DLG2: variants seen among roughly 807,000 people sequenced by gnomAD.
The protein encoded by DLG2 is disks large homolog 2.
DLG2 carries 45 observed loss-of-function variants against 132.5 expected under a neutral mutation model. The observed-to-expected ratio is 0.34, with a 90% confidence interval of 0.27 to 0.44. The LOEUF is 0.44. Ranked by LOEUF, DLG2 falls within the 20% of genes least tolerant of loss-of-function variation. DLG2 has a pLI of 1.00. For missense variants in DLG2, 1,045 were observed against 1,196.9 expected (o/e 0.87, Z 1.87); for synonymous variants, 424 against 419.6 (o/e 1.01, Z -0.13).
chr11:84,011,734 T>C (rs568255324), intron 11 of DLG2, among the ~76,000 whole-genome samples: 32 of 152,006 alleles, frequency 2.1e-4, no homozygotes, highest in Non-Finnish European at 3.7e-4. Flanking sequence ...AATGAAACAA[T>C]GAATGTGGCC....
chr11:84,403,999 C>T (rs1010660697), intron 7 of DLG2, among the ~76,000 whole-genome samples: 4 of 152,098 alleles, frequency 2.6e-5, no homozygotes, highest in Non-Finnish European at 5.9e-5. Flanking sequence ...TTATATCACT[C>T]TTATCCTTTC....
At chr11:84,545,370 C>A in intron 6 of DLG2, 3 of 521,376 alleles carry the variant, frequency 5.8e-6, no homozygotes, top group East Asian at 5.1e-5. Context: ...TATAGCCATC[C>A]CACTGCCACC....
At chr11:83,494,352 C>T (rs920441514) in intron 21 of DLG2, among the ~76,000 whole-genome samples, 1 of 149,696 alleles carries the variant, frequency 6.7e-6, no homozygotes, top group Non-Finnish European at 1.5e-5. Flanking sequence ...TTCTTGTAAA[C>T]CCGCAAATTT....
At chr11:85,296,300 A>G (rs112011459) in intron 3 of DLG2, among the ~76,000 whole-genome samples, 1 of 152,106 alleles carries the variant, frequency 6.6e-6, no homozygotes, top group Admixed American at 6.6e-5. Context: ...AAAGAATAGC[A>G]TTCAGTCTAC....
At chr11:85,007,174 C>T (rs939735717) in intron 6 of DLG2, among the ~76,000 whole-genome samples, 1 of 142,776 alleles carries the variant, frequency 7.0e-6, no homozygotes, top group Non-Finnish European at 1.5e-5. Context: ...GCTATTTATA[C>T]TTGAGTGACT....
chr11:83,613,259 G>T (rs1036238092), intron 19 of DLG2, among the ~76,000 whole-genome samples: 1 of 152,160 alleles, frequency 6.6e-6, no homozygotes, highest in Non-Finnish European at 1.5e-5. Flanking sequence ...TGAGGATTGG[G>T]TAAACCTAGT....
chr11:84,489,862 G>T (rs376041491), intron 7 of DLG2, among the ~76,000 whole-genome samples: 1 of 151,614 alleles, frequency 6.6e-6, no homozygotes, highest in Non-Finnish European at 1.5e-5. Flanking sequence ...ATTTTTGCCG[G>T]AGGACTATAA....
chr11:84,636,895 C>G (rs1244043006), intron 6 of DLG2, among the ~76,000 whole-genome samples: 1 of 151,820 alleles, frequency 6.6e-6, no homozygotes, highest in African/African-American at 2.4e-5. Context: ...AATTCTCCTG[C>G]TTCAACCTCC....
intron 14 of DLG2, among the ~76,000 whole-genome samples, chr11:83,934,017 G>C (rs998196379): frequency 6.6e-6 from 1 of 152,220 alleles, no homozygotes; most frequent in Non-Finnish European, 1.5e-5. Context: ...TTGCTAAAAT[G>C]TCTAGAGGTT....
chr11:83,522,277 G>T (rs895963812), intron 21 of DLG2, among the ~76,000 whole-genome samples: 3 of 152,030 alleles, frequency 2.0e-5, no homozygotes, highest in African/African-American at 7.2e-5. Flanking sequence ...TTCATGTTTT[G>T]CTAAACTTTT....
chr11:84,021,642 T>C (rs2095397064), intron 11 of DLG2, among the ~76,000 whole-genome samples: 1 of 152,226 alleles, frequency 6.6e-6, no homozygotes, highest in Non-Finnish European at 1.5e-5. Flanking sequence ...GCCGTCTAGA[T>C]ACATTGGATG....
chr11:83,660,894 G>A (rs907005742), intron 18 of DLG2, among the ~76,000 whole-genome samples: 20 of 151,856 alleles, frequency 1.3e-4, no homozygotes, highest in Admixed American at 6.6e-5. Context: ...TTCTTCTTCT[G>A]ACTCCCCCCA....
At chr11:84,211,509 T>C (rs1350203577) in intron 8 of DLG2, among the ~76,000 whole-genome samples, 2 of 152,188 alleles carry the variant, frequency 1.3e-5, no homozygotes, top group Non-Finnish European at 2.9e-5. Context: ...CCTCCCAAAG[T>C]GCTGGGATTA....
intron 6 of DLG2, among the ~76,000 whole-genome samples, chr11:84,668,231 T>C (rs1386707728): frequency 6.6e-6 from 1 of 152,174 alleles, no homozygotes; most frequent in Non-Finnish European, 1.5e-5. Context: ...TCTATACTTC[T>C]ATAATGCCAT....
chr11:83,968,412 T>G (rs1414113530), intron 12 of DLG2, among the ~76,000 whole-genome samples: 1 of 152,184 alleles, frequency 6.6e-6, no homozygotes, highest in African/African-American at 2.4e-5. Flanking sequence ...CATGTTCCCT[T>G]AAATCTTTTT....
intron 3 of DLG2, among the ~76,000 whole-genome samples, chr11:85,305,976 C>T (rs1420751268): frequency 6.6e-6 from 1 of 152,166 alleles, no homozygotes; most frequent in African/African-American, 2.4e-5. Context: ...AAAGAAGATA[C>T]ATTCCAGAAT....
intron 3 of DLG2, among the ~76,000 whole-genome samples, chr11:85,428,695 C>G (rs1462145258): frequency 1.3e-5 from 2 of 152,080 alleles, no homozygotes; most frequent in African/African-American, 4.8e-5. Context: ...AAAATTGACA[C>G]CCTAACATCA....
intron 6 of DLG2, among the ~76,000 whole-genome samples, chr11:85,068,071 T>C (rs1216965252): frequency 3.9e-5 from 6 of 152,254 alleles, no homozygotes; most frequent in Middle Eastern, 3.4e-3. Context: ...TCTCAATAGA[T>C]GCAGAAAAGG....
At chr11:83,684,442 T>A (rs139686496) in intron 18 of DLG2, 65 of 152,306 alleles carry the variant, frequency 4.3e-4, no homozygotes, top group African/African-American at 1.4e-3. Context: ...GTTCTCTCTT[T>A]GTTTAGCTTT....
Sources: allele counts gnomAD v4.1 joint callset (sites outside exome capture counted in the v4.1 genomes callset), GRCh38; gene constraint gnomAD v4.1.1; transcripts MANE v1.5; gene names NCBI Gene and HGNC (gene_info 2026-07-23, HGNC 2026-07-21).